SLIT3: variants seen among roughly 807,000 people sequenced by gnomAD.
SLIT3 encodes slit guidance ligand 3, also known as slit homolog 3 protein.
In SLIT3, 68 loss-of-function variants were observed where a neutral mutation model predicts 184.0. The ratio of observed to expected loss-of-function variants is 0.37; its 90% CI spans 0.30 to 0.45. SLIT3 has a LOEUF of 0.45. Among genes scored for constraint, SLIT3 ranks in the 20% least tolerant of loss-of-function variants. The probability of loss-of-function intolerance (pLI) is 1.00; values close to 1 mark genes in which losing one functional copy is unlikely to be tolerated. For synonymous variants in SLIT3, 831 were observed against 828.6 expected (o/e 1.00, Z -0.05); for missense variants, 1,707 against 2,026.0 (o/e 0.84, Z 3.02).
chr5:169,198,957 C>T (rs59431505), intron 3 of SLIT3, among the ~76,000 whole-genome samples: 2 of 142,708 alleles, frequency 1.4e-5, no homozygotes, highest in African/African-American at 2.6e-5. Flanking sequence ...AAACTATACA[C>T]ACACACACAC....
At chr5:169,251,574 T>C in intron 1 of SLIT3, 115 bp from the exon 2 acceptor site, 1 of 733,708 alleles carries the variant, frequency 1.4e-6, no homozygotes, top group South Asian at 1.5e-5. Context: ...GCAATTCTGA[T>C]GATTAACGAT....
chr5:168,740,003 C>T (rs573735123), intron 20 of SLIT3, among the ~76,000 whole-genome samples: 2 of 152,262 alleles, frequency 1.3e-5, no homozygotes, highest in South Asian at 2.1e-4. Context: ...GGAATTAATG[C>T]ATATTTTAAC....
chr5:168,771,015 A>C (rs1371602794), intron 14 of SLIT3, among the ~76,000 whole-genome samples: 1 of 151,968 alleles, frequency 6.6e-6, no homozygotes, highest in Non-Finnish European at 1.5e-5. Context: ...CGCCACATCC[A>C]TTTGGGGTCC....
At chr5:168,869,120 G>T (rs1759419223) in intron 5 of SLIT3, among the ~76,000 whole-genome samples, 1 of 152,230 alleles carries the variant, frequency 6.6e-6, no homozygotes, top group African/African-American at 2.4e-5. Flanking sequence ...AATTTCTCCA[G>T]AGAAGCTGGA....
At chr5:169,130,530 G>A (rs1432216739) in intron 4 of SLIT3, among the ~76,000 whole-genome samples, 1 of 152,172 alleles carries the variant, frequency 6.6e-6, no homozygotes, top group Non-Finnish European at 1.5e-5. Context: ...AGCTGTTGCA[G>A]GTGTCATATG....
chr5:168,672,246 C>T (rs1412268050), intron 33 of SLIT3, among the ~76,000 whole-genome samples: 1 of 152,108 alleles, frequency 6.6e-6, no homozygotes, highest in African/African-American at 2.4e-5. Context: ...TCTGGGGCTG[C>T]CCTCGGCACA....
intron 4 of SLIT3, among the ~76,000 whole-genome samples, chr5:169,004,714 GA>G (rs1441036646): frequency 6.6e-6 from 1 of 152,122 alleles, no homozygotes; most frequent in East Asian, 1.9e-4. Context: ...GAGCCTTTGG[GA>G]AGGAATTAGG....
At chr5:168,936,674 T>C (rs80180209) in intron 4 of SLIT3, among the ~76,000 whole-genome samples, 3 of 152,178 alleles carry the variant, frequency 2.0e-5, no homozygotes, top group Admixed American at 2.0e-4. Context: ...AGGGCAGCTT[T>C]CCATATCCGG....
intron 1 of SLIT3, among the ~76,000 whole-genome samples, chr5:169,269,514 TC>T (rs1766525567): frequency 6.6e-6 from 1 of 152,240 alleles, no homozygotes. Context: ...CAGGCAACTC[TC>T]CCATCTGTAA....
intron 5 of SLIT3, among the ~76,000 whole-genome samples, chr5:168,867,328 T>C (rs1276705683): frequency 6.6e-6 from 1 of 152,214 alleles, no homozygotes; most frequent in Non-Finnish European, 1.5e-5. Flanking sequence ...TACTTTGTTC[T>C]CAAAGAACAG....
rs1020428664 is a variant in SLIT3 at position 169,261,645 on chromosome 5, C to T, written c.198-10186G>A. On this transcript the variant is annotated intron_variant, in intron 1 of 35. Transcript: ENST00000519560. ...CACTATGCTGATGGCTAAGGATAGA[C>T]AGTAAAACAATAGCAAAGAAGTTCC... 5.3e-5 allele frequency among the ~76,000 whole-genome samples: 8 copies of T among 152,230 alleles called. No individual in the cohort carries two copies. In the East Asian group the frequency reaches 1.5e-3, roughly 29 times the overall value.
At position 168,952,528 on chromosome 5, in the gene SLIT3, C is replaced by CAAAAAAAAAAAAAAAA. The variant is rs372134778; in HGVS notation, c.414-69208_414-69193dup. Among the ~76,000 whole-genome samples, 50 of 77,916 alleles carry CAAAAAAAAAAAAAAAA rather than the reference C, an allele frequency of 6.4e-4. 1 individual carries two copies. Among genetic ancestry groups the CAAAAAAAAAAAAAAAA allele is most frequent in the African/African-American group, 2.6e-3 (44 of 17,034 alleles). 51.1% of individuals were successfully genotyped at this position (77,916 alleles called of 152,430 possible). ...AATCTCAGAGAAGAAGGGAAAATGC[C>CAAAAAAAAAAAAAAAA]AAAAAAAAAAAAAAAAAAAAGAGGG... is the stretch of plus-strand genomic sequence containing the variant. On this transcript the variant is annotated intron_variant, in intron 4 of 35. Coordinates refer to ENST00000519560, the MANE Select transcript of SLIT3 (RefSeq NM_003062.4).
intron 4 of SLIT3, among the ~76,000 whole-genome samples, chr5:169,110,540 T>C (rs981691854): frequency 2.0e-5 from 3 of 152,202 alleles, no homozygotes; most frequent in Non-Finnish European, 2.9e-5. Flanking sequence ...CATTTATGCA[T>C]GTCTGTCTCT....
chr5:168,940,493 A>G (rs935720686), intron 4 of SLIT3, among the ~76,000 whole-genome samples: 2 of 152,248 alleles, frequency 1.3e-5, no homozygotes, highest in Non-Finnish European at 2.9e-5. Context: ...ATAAAATTAT[A>G]AAGTATCTTT....
rs1466858037 is a variant in SLIT3, at chr5:168,685,795, G to A, written c.3447C>T (p.Phe1149=). 5.0e-6 allele frequency: 8 copies of A among 1,613,810 alleles called. No individual in the cohort carries two copies. The highest frequency in any genetic ancestry group is 1.1e-5 in the South Asian group (1 of 91,014). Residue 1149 remains phenylalanine, a synonymous_variant, in exon 31 of 36, where the codon TTC becomes TTT. Transcript: ENST00000519560. ...QEPTCRCPPG[F]AGPRCEKLIT... ...TGAGCTTCTCGCATCTGGGGCCGGC[G>A]AAGCCTGGTGGGCAGCGGCAGGTGG...
At chr5:169,074,173 T>C (rs1307416424) in intron 4 of SLIT3, among the ~76,000 whole-genome samples, 4 of 152,086 alleles carry the variant, frequency 2.6e-5, no homozygotes, top group Non-Finnish European at 5.9e-5. Flanking sequence ...CCCTATAATC[T>C]CTGGAGCTGG....
chr5:168,739,812 C>A (rs1763565110), intron 20 of SLIT3, among the ~76,000 whole-genome samples: 1 of 152,180 alleles, frequency 6.6e-6, no homozygotes, highest in South Asian at 2.1e-4. Context: ...AAGCATACCA[C>A]AACAAAGTGA....
chr5:169,181,907 C>T (rs552271738), intron 4 of SLIT3, among the ~76,000 whole-genome samples: 348 of 152,234 alleles, frequency 2.3e-3, no homozygotes, highest in Non-Finnish European at 3.8e-3. Context: ...AGCATTTTGA[C>T]CTCCAAAAGT....
chr5:169,004,286 T>C (rs949105375), intron 4 of SLIT3, among the ~76,000 whole-genome samples: 1 of 152,206 alleles, frequency 6.6e-6, no homozygotes, highest in Non-Finnish European at 1.5e-5. Flanking sequence ...GGTTCGGTTC[T>C]GCCATGCCCA....
Sources: gnomAD v4.1 joint callset for allele counts (sites outside exome capture counted in the v4.1 genomes callset) on GRCh38, gnomAD v4.1.1 for gene constraint, MANE v1.5 for transcripts, NCBI Gene and HGNC (gene_info 2026-07-23, HGNC 2026-07-21) for gene names.